Variants in NCOR2 observed in about 807,000 individuals in gnomAD.
NCOR2 encodes the protein CTG repeat protein 26.
A neutral mutation model predicts 262.9 loss-of-function variants in NCOR2; 81 were observed. That is an observed-to-expected ratio of 0.31 (90% CI 0.26 to 0.37). NCOR2 has a LOEUF of 0.37. NCOR2 is among the 10% of genes least tolerant of loss of function. The pLI is 1.00. For synonymous variants in NCOR2, 1,659 were observed against 1,559.3 expected, an observed-to-expected ratio of 1.06 and a Z score of -1.51; for missense variants, 3,385 against 3,621.4, an observed-to-expected ratio of 0.93 and a Z score of 1.68.
chr12:124,343,222 G>A, exon 33 of NCOR2: 1 of 1,607,720 alleles, frequency 6.2e-7, no homozygotes, highest in Non-Finnish European at 8.5e-7. Context: ...TGGACGAAAG[G>A]CTGCCTGTGG....
At chr12:124,346,698 G>A (rs868154409) in exon 31 of NCOR2, 1 of 1,569,728 alleles carries the variant, frequency 6.4e-7, no homozygotes. Flanking sequence ...TCATGGGCCG[G>A]CTTCAGCTTC....
chr12:124,390,706 G>A (rs1026997889), intron 16 of NCOR2, among the ~76,000 whole-genome samples: 9 of 152,216 alleles, frequency 5.9e-5, no homozygotes, highest in African/African-American at 1.2e-4. Flanking sequence ...AAGAGGCTGG[G>A]GTATCCCCCT....
At chr12:124,502,408 G>T (rs184549824) in intron 1 of NCOR2, among the ~76,000 whole-genome samples, 313 of 152,330 alleles carry the variant, frequency 2.1e-3, no homozygotes, top group African/African-American at 7.1e-3. Flanking sequence ...GTGTTAGCAC[G>T]ATGGAGAAAA....
At chr12:124,374,523 G>A (rs2039832502) in intron 18 of NCOR2, 60 bp from the exon 21 acceptor site, 8 of 1,551,546 alleles carry the variant, frequency 5.2e-6, no homozygotes, top group Non-Finnish European at 7.1e-6. Context: ...GGAGGGGAGG[G>A]AGGAGGCAAC....
chr12:124,499,472 G>C (rs947722232), upstream of NCOR2, among the ~76,000 whole-genome samples: 5 of 151,490 alleles, frequency 3.3e-5, no homozygotes, highest in Non-Finnish European at 5.9e-5. Context: ...CAGGAGATAC[G>C]AGGAAGAAGA....
At chr12:124,435,280 G>A (rs534206637) in intron 8 of NCOR2, among the ~76,000 whole-genome samples, 5 of 152,330 alleles carry the variant, frequency 3.3e-5, no homozygotes, top group Non-Finnish European at 5.9e-5. Flanking sequence ...GTGACTCCCG[G>A]GCACCCAGCA....
chr12:124,478,585 G>C (rs2047230733), intron 3 of NCOR2, among the ~76,000 whole-genome samples: 2 of 152,112 alleles, frequency 1.3e-5, no homozygotes, highest in South Asian at 4.1e-4. Context: ...GCTCTCCCAG[G>C]CATCTTCCCT....
intron 1 of NCOR2, among the ~76,000 whole-genome samples, chr12:124,525,852 C>A (rs983758414): frequency 5.3e-5 from 8 of 152,246 alleles, no homozygotes; most frequent in African/African-American, 1.9e-4. Flanking sequence ...CCTCTCTCTG[C>A]CCTCAATCCC....
At chr12:124,385,615 A>C in intron 17 of NCOR2, 130 bp downstream of exon 19, 1 of 1,354,578 alleles carries the variant, frequency 7.4e-7, no homozygotes, top group Non-Finnish European at 1.0e-6. Context: ...CCAGAAGCTG[A>C]GTTCTAACAA....
At position 124,396,337 on chromosome 12, in the gene NCOR2, G is replaced by A. The variant is rs185931364; in HGVS notation, c.1876+1782C>T. Among the ~76,000 whole-genome samples the A allele has an allele frequency of 1.8e-4, 27 of 152,338 alleles. No individual in the cohort carries two copies. In the East Asian group the frequency reaches 3.1e-3, roughly 17 times the overall value. ...TCCAGTGGTTAGAATGCTGAGCTTC[G>A]TGCCATGTGTATCATCTCAAAATTA... On this transcript the variant is annotated intron_variant, in intron 16 of 46. Transcript: ENST00000405201.
chr12:124,498,436 G>T (rs528035333), upstream of NCOR2, among the ~76,000 whole-genome samples: 19 of 152,168 alleles, frequency 1.2e-4, 1 homozygote, highest in South Asian at 3.7e-3. Flanking sequence ...TCCCCCACCA[G>T]CCCCCCACCC....
intron 1 of NCOR2, among the ~76,000 whole-genome samples, chr12:124,505,646 G>A (rs1419778148): frequency 2.6e-5 from 4 of 152,118 alleles, no homozygotes; most frequent in Non-Finnish European, 5.9e-5. Flanking sequence ...ACCTCTCTGA[G>A]CTTCACTTGG....
At chr12:124,559,583 A>G (rs1317166023) in intron 1 of NCOR2, among the ~76,000 whole-genome samples, 2 of 152,230 alleles carry the variant, frequency 1.3e-5, no homozygotes, top group East Asian at 1.9e-4. Context: ...TCTTGCAACA[A>G]GTGTTTTCCT....
At chr12:124,365,483 C>A (rs2038957668) in intron 20 of NCOR2, among the ~76,000 whole-genome samples, 1 of 152,182 alleles carries the variant, frequency 6.6e-6, no homozygotes, top group African/African-American at 2.4e-5. Context: ...TGCCGGCAGT[C>A]CCCTCCTTCA....
chr12:124,476,429 A>C (rs1175318241), intron 3 of NCOR2, among the ~76,000 whole-genome samples: 3 of 152,236 alleles, frequency 2.0e-5, no homozygotes, highest in Admixed American at 1.3e-4. Context: ...TTCCACCTGG[A>C]CCAAGAAGAG....
At chr12:124,337,375 C>T in intron 37 of NCOR2, 195 bp from the exon 40 acceptor site, 1 of 746,956 alleles carries the variant, frequency 1.3e-6, no homozygotes, top group East Asian at 2.7e-5. Context: ...TCATTCATTC[C>T]TTGCATCATT....
chr12:124,542,350 A>C (rs1349068380), intron 1 of NCOR2, among the ~76,000 whole-genome samples: 2 of 152,082 alleles, frequency 1.3e-5, no homozygotes, highest in Non-Finnish European at 2.9e-5. Flanking sequence ...CGGCCACAAC[A>C]GCCACACCCT....
At chr12:124,421,760 G>A (rs567255231) in intron 12 of NCOR2, among the ~76,000 whole-genome samples, 1 of 152,350 alleles carries the variant, frequency 6.6e-6, no homozygotes, top group Admixed American at 6.5e-5. Context: ...GGAAGGCCCA[G>A]GGGCCACGTC....
intron 1 of NCOR2, among the ~76,000 whole-genome samples, chr12:124,500,386 C>T (rs1430730401): frequency 6.6e-6 from 1 of 152,214 alleles, no homozygotes; most frequent in African/African-American, 2.4e-5. Context: ...CCCCACTGCA[C>T]TCTGCCAGGC....
Sources: gnomAD v4.1 joint callset for allele counts (sites outside exome capture counted in the v4.1 genomes callset) on GRCh38, gnomAD v4.1.1 for gene constraint, MANE v1.5 for transcripts, NCBI Gene and HGNC (gene_info 2026-07-23, HGNC 2026-07-21) for gene names.